Variants in CTNNA3 observed in about 807,000 individuals in gnomAD.
The protein encoded by CTNNA3 is catenin alpha 3, also known as catenin alpha-3.
Under a neutral mutation model 95.7 loss-of-function variants are expected in CTNNA3, and 76 were observed. That is an observed-to-expected ratio of 0.79 (90% CI 0.66 to 0.96). CTNNA3 has a LOEUF of 0.96. Among genes scored for constraint, CTNNA3 ranks in the 40% least tolerant of loss-of-function variants. The pLI is 0.00. For synonymous variants in CTNNA3, 431 were observed against 374.4 expected (o/e 1.15, Z -1.74); for missense variants, 1,191 against 1,089.8 (o/e 1.09, Z -1.31).
intron 11 of CTNNA3, among the ~76,000 whole-genome samples, chr10:66,447,888 C>T (rs1190047461): frequency 1.3e-5 from 2 of 152,136 alleles, no homozygotes; most frequent in Admixed American, 1.3e-4. Context: ...AGTGAACAGG[C>T]AACCTACAAA....
At position 67,617,803 on chromosome 10, in the gene CTNNA3, T is replaced by G. The variant is rs187188056; in HGVS notation, c.100-10754A>C. Among the ~76,000 whole-genome samples, 76 of 151,942 alleles carry G rather than the reference T, an allele frequency of 5.0e-4. 1 individual carries two copies. The East Asian group carries it at 0.014, about 27-fold the overall frequency. On this transcript the variant is annotated intron_variant, in intron 2 of 17. Coordinates refer to ENST00000433211, the MANE Select transcript of CTNNA3 (RefSeq NM_013266.4). Reference sequence around the variant, plus strand: ...TTTTACTTTTTAATAATAGCTATTCTAACTGGTTTGAAATGTTATCTCATT... The same window carrying G: ...TTTTACTTTTTAATAATAGCTATTCGAACTGGTTTGAAATGTTATCTCATT...
intron 7 of CTNNA3, among the ~76,000 whole-genome samples, chr10:67,045,928 T>C (rs1401784864): frequency 1.3e-5 from 2 of 152,190 alleles, no homozygotes; most frequent in East Asian, 3.8e-4. Context: ...GCACAAGAAC[T>C]TCTCGAGTAG....
chr10:66,034,958 T>C (rs1297286033), intron 15 of CTNNA3, among the ~76,000 whole-genome samples: 1 of 152,222 alleles, frequency 6.6e-6, no homozygotes, highest in Non-Finnish European at 1.5e-5. Context: ...ACTGTAACTA[T>C]TTTATATCAC....
At position 67,718,796 on chromosome 10, in the gene CTNNA3, A is replaced by T. The variant is rs1053952655; in HGVS notation, c.-2+44638T>A. On this transcript the variant is annotated intron_variant, in intron 1 of 17. Coordinates refer to the CTNNA3 transcript ENST00000684154. Reference sequence around the variant, plus strand: ...TGTTGTATCTCTGCCAGGTTTAGGTATCAGGATGATGCTGGCCTCATAAAA... The same window carrying T: ...TGTTGTATCTCTGCCAGGTTTAGGTTTCAGGATGATGCTGGCCTCATAAAA... 2.0e-5 allele frequency among the ~76,000 whole-genome samples: 3 copies of T among 152,298 alleles called. No individual in the cohort carries two copies. In the East Asian group the frequency reaches 5.8e-4, roughly 29 times the overall value.
chr10:66,389,575 T>A (rs55782498), intron 11 of CTNNA3, among the ~76,000 whole-genome samples: 1 of 152,064 alleles, frequency 6.6e-6, no homozygotes, highest in Non-Finnish European at 1.5e-5. Context: ...GGAATTGATG[T>A]TTTACTAAAA....
At chr10:67,439,481 T>C (rs773036435) in intron 5 of CTNNA3, among the ~76,000 whole-genome samples, 17 of 151,998 alleles carry the variant, frequency 1.1e-4, no homozygotes, top group Non-Finnish European at 2.5e-4. Context: ...GGGAAGGTGC[T>C]ACACACTTTT....
At chr10:66,373,209 C>G (rs2092767273) in intron 12 of CTNNA3, among the ~76,000 whole-genome samples, 1 of 152,086 alleles carries the variant, frequency 6.6e-6, no homozygotes, top group Admixed American at 6.5e-5. Context: ...GTTTTTATAG[C>G]ATTTTCTTTT....
intron 12 of CTNNA3, among the ~76,000 whole-genome samples, chr10:66,294,217 T>C (rs2091737897): frequency 6.6e-6 from 1 of 152,184 alleles, no homozygotes; most frequent in Non-Finnish European, 1.5e-5. Flanking sequence ...CCTTGCAGCA[T>C]GTTGGAAATA....
intron 7 of CTNNA3, among the ~76,000 whole-genome samples, chr10:66,839,033 TAAA>T (rs11288347): frequency 6.7e-6 from 1 of 150,306 alleles, no homozygotes; most frequent in Non-Finnish European, 1.5e-5. Flanking sequence ...TTCATACTTA[TAAA>T]AAAAAAAACA....
chr10:66,643,534 C>A lies in CTNNA3; in HGVS notation c.1282-21750G>T, dbSNP rs546227018. ...CTAGTAGAGTTAATATCATTACTAACCCCAACTATTCTGATGAAATAGGTA... is the reference window on the plus strand; with the variant it reads ...CTAGTAGAGTTAATATCATTACTAAACCCAACTATTCTGATGAAATAGGTA... On this transcript the variant is annotated intron_variant, in intron 9 of 17. Coordinates refer to ENST00000433211, the MANE Select transcript of CTNNA3 (RefSeq NM_013266.4). Among the ~76,000 whole-genome samples the A allele has an allele frequency of 1.2e-4, 19 of 152,230 alleles. No individual in the cohort carries two copies. The South Asian group carries it at 3.7e-3, about 30-fold the overall frequency.
chr10:67,224,521 G>A (rs1157940308), intron 5 of CTNNA3, among the ~76,000 whole-genome samples: 1 of 152,198 alleles, frequency 6.6e-6, no homozygotes, highest in Admixed American at 6.5e-5. Flanking sequence ...AAATCTGGGA[G>A]ACACCACAAA....
intron 13 of CTNNA3, among the ~76,000 whole-genome samples, chr10:66,215,780 A>G (rs755513144): frequency 1.9e-4 from 29 of 152,212 alleles, no homozygotes; most frequent in Non-Finnish European, 3.7e-4. Context: ...ATTACACCCA[A>G]GAAAGAAAAT....
At chr10:66,935,019 T>A (rs1475542367) in intron 7 of CTNNA3, among the ~76,000 whole-genome samples, 2 of 152,104 alleles carry the variant, frequency 1.3e-5, no homozygotes, top group African/African-American at 2.4e-5. Flanking sequence ...TTGAGTGGTG[T>A]TCATAGCTTC....
chr10:67,451,165 C>A (rs188497004), intron 5 of CTNNA3, among the ~76,000 whole-genome samples: 5 of 152,242 alleles, frequency 3.3e-5, no homozygotes, highest in Admixed American at 6.5e-5. Context: ...AGGGTACTCA[C>A]TTCCACCCTT....
intron 4 of CTNNA3, among the ~76,000 whole-genome samples, chr10:67,535,994 G>C (rs1840476197): frequency 6.6e-6 from 1 of 151,972 alleles, no homozygotes; most frequent in African/African-American, 2.4e-5. Flanking sequence ...GCAGAAGCAG[G>C]CACCCAAGGA....
At chr10:67,683,081 G>A (rs1840657982) in intron 1 of CTNNA3, among the ~76,000 whole-genome samples, 1 of 152,158 alleles carries the variant, frequency 6.6e-6, no homozygotes, top group African/African-American at 2.4e-5. Context: ...TATTGCATAG[G>A]CAACCAACAG....
At chr10:66,730,790 A>C (rs983140420) in intron 9 of CTNNA3, among the ~76,000 whole-genome samples, 1 of 152,144 alleles carries the variant, frequency 6.6e-6, no homozygotes, top group African/African-American at 2.4e-5. Context: ...ACTCATTTGC[A>C]ATTGTTATGT....
chr10:66,114,004 A>G (rs1347377705), intron 13 of CTNNA3, among the ~76,000 whole-genome samples: 2 of 152,180 alleles, frequency 1.3e-5, no homozygotes, highest in African/African-American at 4.8e-5. Flanking sequence ...TGGTGGCAGC[A>G]GTAGTAGCAA....
At chr10:66,124,632 A>C (rs1288039463) in intron 13 of CTNNA3, among the ~76,000 whole-genome samples, 1 of 152,180 alleles carries the variant, frequency 6.6e-6, no homozygotes, top group Non-Finnish European at 1.5e-5. Context: ...TTACAAAAGA[A>C]AGAGGTTTAA....
Sources: allele counts gnomAD v4.1 joint callset (sites outside exome capture counted in the v4.1 genomes callset), GRCh38; gene constraint gnomAD v4.1.1; transcripts MANE v1.5; gene names NCBI Gene and HGNC (gene_info 2026-07-23, HGNC 2026-07-21).